The following ANKFN1 variants were observed in gnomAD, a reference collection of about 807,000 sequenced individuals.
ANKFN1 encodes the protein ankyrin repeat and fibronectin type III domain containing 1.
A neutral mutation model predicts 108.7 loss-of-function variants in ANKFN1; 74 were observed. The ratio of observed to expected loss-of-function variants is 0.68; its 90% confidence interval spans 0.56 to 0.83. The LOEUF (loss-of-function observed/expected upper bound fraction) is 0.83. Among genes scored for constraint, ANKFN1 ranks in the 40% least tolerant of loss-of-function variants. The pLI is 0.00. For missense variants in ANKFN1, 1,505 were observed against 1,382.3 expected, an observed-to-expected ratio of 1.09 and a Z score of -1.41; for synonymous variants, 547 against 516.2, an observed-to-expected ratio of 1.06 and a Z score of -0.81.
intron 17 of ANKFN1, 60 bp downstream of exon 17, chr17:56,480,878 C>A: frequency 1.3e-6 from 2 of 1,502,972 alleles, no homozygotes; most frequent in Non-Finnish European, 1.8e-6. Context: ...TGCATTGTAA[C>A]ATTAAGTGGG....
At chr17:56,381,967 T>C (rs2047118511) in intron 8 of ANKFN1, among the ~76,000 whole-genome samples, 1 of 151,646 alleles carries the variant, frequency 6.6e-6, no homozygotes, top group Non-Finnish European at 1.5e-5. Flanking sequence ...GAAGAGCAAC[T>C]CCAAGACACA....
intron 3 of ANKFN1, among the ~76,000 whole-genome samples, chr17:56,300,042 T>C (rs1308197399): frequency 6.6e-6 from 1 of 152,204 alleles, no homozygotes; most frequent in Non-Finnish European, 1.5e-5. Context: ...AAATTTTCTG[T>C]CTTGAGAAAT....
chr17:56,205,535 G>T lies in ANKFN1; in HGVS notation c.-70-7063G>T, dbSNP rs1410670833. Among the ~76,000 whole-genome samples the T allele has an allele frequency of 2.6e-5, 4 of 152,160 alleles. No individual in the cohort carries two copies. The East Asian group carries it at 7.7e-4, about 29-fold the overall frequency. On this transcript the variant is annotated intron_variant, in intron 1 of 20. Coordinates refer to ENST00000682825, the MANE Select transcript of ANKFN1 (RefSeq NM_001370326.1). ...CTAAACTTATTCTACTCAACTGACA[G>T]AAAGCTAAAATATTTTTGTTTGAAT...
Position 56,372,777 on chromosome 17 carries a change from C to T in ANKFN1, c.733C>T (p.Leu245=). 6.2e-7 allele frequency: 1 copy of T among 1,614,040 alleles called. No individual in the cohort carries two copies. The highest frequency in any genetic ancestry group is 2.2e-5 in the East Asian group (1 of 44,876). The part of the protein sequence containing the change: ...TLDNTEKEKQ[L]KAWEWRYRLY... ...GGACAACACAGAGAAAGAGAAGCAG[C>T]TGAAAGCTTGGGAGTGGAGGTATCG... Residue 245 remains leucine, a synonymous_variant, in exon 7 of 21, where the codon CTG becomes TTG. Transcript: ENST00000682825.
chr17:56,194,646 G>C (rs1468870774), intron 1 of ANKFN1, among the ~76,000 whole-genome samples: 1 of 152,184 alleles, frequency 6.6e-6, no homozygotes, highest in Non-Finnish European at 1.5e-5. Flanking sequence ...GTAATACTCT[G>C]TATGATACTA....
At chr17:56,105,029 G>T (rs997235811) in intron 4 of ANKFN1, among the ~76,000 whole-genome samples, 4 of 152,130 alleles carry the variant, frequency 2.6e-5, no homozygotes, top group Non-Finnish European at 5.9e-5. Context: ...TCATTTTCAT[G>T]GAGAATGACA....
chr17:56,393,962 A>G (rs1244781969), intron 8 of ANKFN1, among the ~76,000 whole-genome samples: 3 of 152,238 alleles, frequency 2.0e-5, no homozygotes, highest in African/African-American at 7.2e-5. Context: ...TTCATGATGT[A>G]TCAGGTAGTG....
intron 1 of ANKFN1, among the ~76,000 whole-genome samples, chr17:56,177,317 C>T (rs544136167): frequency 4.6e-5 from 7 of 152,370 alleles, no homozygotes; most frequent in Non-Finnish European, 7.3e-5. Context: ...GCATGCCCTT[C>T]TGCCACTGCC....
chr17:56,333,002 T>TATA (rs2045707564), intron 4 of ANKFN1, among the ~76,000 whole-genome samples: 1 of 151,184 alleles, frequency 6.6e-6, no homozygotes, highest in African/African-American at 2.4e-5. Context: ...TATATATATC[T>TATA]TCTTTAATTT....
At chr17:56,175,384 G>A (rs1911053755) in intron 1 of ANKFN1, among the ~76,000 whole-genome samples, 1 of 152,132 alleles carries the variant, frequency 6.6e-6, no homozygotes, top group Admixed American at 6.5e-5. Context: ...TAACTGGTTG[G>A]GAGTGAAGAC....
At chr17:56,397,820 A>G (rs1288345909) in intron 8 of ANKFN1, among the ~76,000 whole-genome samples, 1 of 152,210 alleles carries the variant, frequency 6.6e-6, no homozygotes, top group Non-Finnish European at 1.5e-5. Context: ...GTCCTGCCGT[A>G]ACTACCTGTG....
intron 3 of ANKFN1, among the ~76,000 whole-genome samples, chr17:56,306,936 C>T (rs2044846466): frequency 6.6e-6 from 1 of 152,156 alleles, no homozygotes; most frequent in Non-Finnish European, 1.5e-5. Flanking sequence ...TATCTACAAC[C>T]ATCTGATCTT....
intron 3 of ANKFN1, among the ~76,000 whole-genome samples, chr17:56,286,251 A>G (rs79275171): frequency 0.012 from 1,780 of 152,140 alleles, 30 homozygotes; most frequent in African/African-American, 0.04. Flanking sequence ...AGTCTATCTG[A>G]CCCTATTTTT....
chr17:56,241,080 A>C (rs929818564), intron 3 of ANKFN1, among the ~76,000 whole-genome samples: 4 of 152,104 alleles, frequency 2.6e-5, no homozygotes, highest in Non-Finnish European at 5.9e-5. Flanking sequence ...TTGATGATGT[A>C]AAGATATGCT....
intron 8 of ANKFN1, among the ~76,000 whole-genome samples, chr17:56,404,749 A>T (rs1292377400): frequency 6.6e-6 from 1 of 152,108 alleles, no homozygotes; most frequent in Non-Finnish European, 1.5e-5. Context: ...TTGTCATATT[A>T]CTAGGGTTGG....
chr17:56,358,533 A>G (rs1249054852), intron 6 of ANKFN1, among the ~76,000 whole-genome samples: 1 of 152,200 alleles, frequency 6.6e-6, no homozygotes, highest in East Asian at 1.9e-4. Flanking sequence ...CAGCCTACTC[A>G]TTAGACGAAT....
At chr17:56,096,910 C>T (rs1905546003) in intron 4 of ANKFN1, among the ~76,000 whole-genome samples, 1 of 152,184 alleles carries the variant, frequency 6.6e-6, no homozygotes, top group African/African-American at 2.4e-5. Flanking sequence ...GGTACATATA[C>T]ACCATGGAAT....
chr17:56,264,884 T>C (rs530380648), intron 3 of ANKFN1, among the ~76,000 whole-genome samples: 33 of 152,118 alleles, frequency 2.2e-4, no homozygotes, highest in Non-Finnish European at 3.8e-4. Context: ...TACAAATACT[T>C]TGGGGTCTTT....
At position 56,174,101 on chromosome 17, in the gene ANKFN1, G is replaced by A. The variant is rs867717901; in HGVS notation, c.-71+20571G>A. 1.7e-5 allele frequency: 15 copies of A among 879,038 alleles called. No homozygotes were observed. In the Admixed American group the frequency reaches 1.9e-4, roughly 11 times the overall value. The allele number at this position is 879,038 out of a possible 1,614,324, so 54.5% of individuals were successfully genotyped here. ...TGCCATTGCTGCCTTCCAAGAATCC[G>A]TGGGTCAGCTTGACATTGTGGGTGG... On this transcript the variant is annotated intron_variant, in intron 1 of 20. Transcript: ENST00000682825.
Sources: gnomAD v4.1 joint callset for allele counts (sites outside exome capture counted in the v4.1 genomes callset) on GRCh38, gnomAD v4.1.1 for gene constraint, MANE v1.5 for transcripts, NCBI Gene and HGNC (gene_info 2026-07-23, HGNC 2026-07-21) for gene names.